Variants in PEAK1 observed in about 807,000 individuals in gnomAD.
The protein encoded by PEAK1 is inactive tyrosine-protein kinase PEAK1.
A neutral mutation model predicts 124.7 loss-of-function variants in PEAK1; 54 were observed. The observed-to-expected ratio is 0.43, with a 90% CI of 0.35 to 0.54. The LOEUF is 0.54. Among genes scored for constraint, PEAK1 ranks in the 20% least tolerant of loss-of-function variants. PEAK1 has a pLI of 0.01. For synonymous variants in PEAK1, 719 were observed against 760.0 expected, an observed-to-expected ratio of 0.95 and a Z score of 0.89; for missense variants, 2,046 against 2,134.5, an observed-to-expected ratio of 0.96 and a Z score of 0.82.
intron 6 of PEAK1, among the ~76,000 whole-genome samples, chr15:77,183,602 A>G (rs757899414): frequency 6.6e-6 from 1 of 152,120 alleles, no homozygotes; most frequent in Non-Finnish European, 1.5e-5. Context: ...GTTATAAAAT[A>G]TTGTACCTAA....
intron 2 of PEAK1, chr15:77,350,623 A>C (rs2067150167): frequency 3.0e-6 from 3 of 985,022 alleles, no homozygotes; most frequent in Non-Finnish European, 3.6e-6. Flanking sequence ...AAAAAAAAAA[A>C]AAACAAGGCC....
chr15:77,405,006 T>G (rs2071689010), intron 1 of PEAK1, among the ~76,000 whole-genome samples: 1 of 150,552 alleles, frequency 6.6e-6, no homozygotes, highest in Admixed American at 6.6e-5. Flanking sequence ...GTCAATTAGT[T>G]TTTTGTTTTT....
intron 1 of PEAK1, chr15:77,403,466 C>T: frequency 4.3e-6 from 4 of 935,528 alleles, no homozygotes; most frequent in Non-Finnish European, 5.1e-6. Context: ...TTAAAGAGTT[C>T]TCATATTCCA....
At chr15:77,281,691 T>C (rs2062683736) in intron 5 of PEAK1, among the ~76,000 whole-genome samples, 2 of 152,196 alleles carry the variant, frequency 1.3e-5, no homozygotes, top group Admixed American at 1.3e-4. Flanking sequence ...AGAATAATTT[T>C]TGAATATTTA....
intron 2 of PEAK1, among the ~76,000 whole-genome samples, chr15:77,298,407 A>G (rs1016217283): frequency 1.9e-4 from 28 of 150,214 alleles, no homozygotes; most frequent in Non-Finnish European, 1.5e-4. Context: ...TTTAGTAGAG[A>G]CGGGGTTTCA....
chr15:77,279,887 T>C (rs1330967181), intron 5 of PEAK1, among the ~76,000 whole-genome samples: 3 of 152,284 alleles, frequency 2.0e-5, no homozygotes, highest in Middle Eastern at 3.4e-3. Context: ...GGTAAAACTA[T>C]AGTGATGAAG....
chr15:77,355,060 T>G (rs553794063), intron 2 of PEAK1, among the ~76,000 whole-genome samples: 3 of 151,440 alleles, frequency 2.0e-5, no homozygotes, highest in East Asian at 1.9e-4. Context: ...AAAAAACCAC[T>G]TAACTCTGTG....
chr15:77,127,923 T>C lies in PEAK1; in HGVS notation c.4077+5082A>G, dbSNP rs145295675. ...GGTGAAACCCTGTCTCTACTAAAAA[T>C]ACAAAAAGCAGTTGGTGTGGTGACG... On this transcript the variant is annotated intron_variant, in intron 9 of 9. Coordinates refer to ENST00000682557, the MANE Select transcript of PEAK1 (RefSeq NM_001385026.1). Among the ~76,000 whole-genome samples the C allele has an allele frequency of 2.2e-4, 33 of 151,754 alleles. No homozygotes were observed. The East Asian group carries it at 6.2e-3, about 29-fold the overall frequency.
intron 6 of PEAK1, among the ~76,000 whole-genome samples, chr15:77,212,412 G>C (rs965170209): frequency 4.6e-5 from 7 of 152,118 alleles, no homozygotes; most frequent in Admixed American, 6.5e-5. Flanking sequence ...TAAAAAATTA[G>C]CCTTGCTTAC....
intron 2 of PEAK1, chr15:77,348,234 A>C: frequency 1.0e-6 from 1 of 965,602 alleles, no homozygotes; most frequent in Non-Finnish European, 1.2e-6. Context: ...CCTGTACTGG[A>C]ATCCCACCTC....
At position 77,133,816 on chromosome 15, in the gene PEAK1, G is replaced by A. The variant is rs921033469; in HGVS notation, c.3332-66C>T. On this transcript the variant is annotated intron_variant, in intron 8 of 9. Coordinates refer to ENST00000682557, the MANE Select transcript of PEAK1 (RefSeq NM_001385026.1). This position sits in a 1 kb window ranked among gnomAD's most constrained non-coding sequence, Gnocchi z 4.2. ...AAGTTTTCAATCTAATTTTATAACT[G>A]AAACTTGAGCAGAAATGAGTGAGGT... The A allele has an allele frequency of 6.8e-7, 1 of 1,466,130 alleles. No individual in the cohort carries two copies. Among genetic ancestry groups the A allele is most frequent in the Admixed American group, 2.5e-5 (1 of 39,258 alleles). 90.8% of individuals were successfully genotyped at this position (1,466,130 alleles called of 1,614,324 possible).
chr15:77,292,313 T>A (rs1394189949), intron 2 of PEAK1, among the ~76,000 whole-genome samples: 1 of 152,164 alleles, frequency 6.6e-6, no homozygotes, highest in Admixed American at 6.5e-5. Flanking sequence ...CCTTACTTAA[T>A]ATATATTTAC....
rs553770443 is a variant in PEAK1, at chr15:77,383,611, G to T, written c.-665-18386C>A. ...AGCTTTGAGCAAAAACGCTACCCAA[G>T]GCTATACTCAGTTATAGCCTCAAAC... On this transcript the variant is annotated intron_variant, in intron 1 of 9. Transcript: ENST00000682557. Among the ~76,000 whole-genome samples, 5 of 152,174 alleles carry T rather than the reference G, an allele frequency of 3.3e-5. No homozygotes were observed. The South Asian group carries it at 1.0e-3, about 32-fold the overall frequency.
At chr15:77,407,209 G>A (rs895832820) in intron 1 of PEAK1, among the ~76,000 whole-genome samples, 4 of 152,106 alleles carry the variant, frequency 2.6e-5, no homozygotes, top group Admixed American at 2.6e-4. Flanking sequence ...TATTGGCTTA[G>A]GCAAAGACTT....
intron 5 of PEAK1, among the ~76,000 whole-genome samples, chr15:77,256,319 A>C (rs1264760131): frequency 1.3e-5 from 2 of 152,112 alleles, no homozygotes; most frequent in Non-Finnish European, 2.9e-5. Flanking sequence ...AACCTTTGAC[A>C]CTATATAATC....
chr15:77,182,321 G>A (rs1189110099), intron 6 of PEAK1, among the ~76,000 whole-genome samples: 1 of 152,024 alleles, frequency 6.6e-6, no homozygotes, highest in African/African-American at 2.4e-5. Context: ...TCCCAGAAAT[G>A]CCTTTGATAC....
At chr15:77,338,192 T>C in intron 2 of PEAK1, 2 of 789,388 alleles carry the variant, frequency 2.5e-6, no homozygotes, top group Non-Finnish European at 3.1e-6. Context: ...AAGACTGCAA[T>C]CCTGTATGGT....
chr15:77,283,796 A>G (rs1263051329), intron 5 of PEAK1, 87 bp downstream of exon 5: 10 of 574,024 alleles, frequency 1.7e-5, no homozygotes, highest in Non-Finnish European at 2.0e-5. Context: ...GGATATTAAA[A>G]GTCAATTATG....
At chr15:77,400,759 T>A (rs1223948667) in intron 1 of PEAK1, among the ~76,000 whole-genome samples, 2 of 152,132 alleles carry the variant, frequency 1.3e-5, no homozygotes. Flanking sequence ...ACTACATATA[T>A]ACACTACAGT....
Sources: gnomAD v4.1 joint callset for allele counts (sites outside exome capture counted in the v4.1 genomes callset) on GRCh38, gnomAD v4.1.1 for gene constraint, Gnocchi (gnomAD v3.1) non-coding constraint, MANE v1.5 for transcripts, NCBI Gene and HGNC (gene_info 2026-07-23, HGNC 2026-07-21) for gene names.